XKR9: variants seen among roughly 807,000 people sequenced by gnomAD.
XKR9 encodes XK-related protein 9.
Under a neutral mutation model 32.0 loss-of-function variants are expected in XKR9, and 32 were observed. The ratio of observed to expected loss-of-function variants is 1.00; its 90% confidence interval spans 0.76 to 1.34. XKR9 has a LOEUF of 1.34. Among genes scored for constraint, XKR9 ranks in the 40% most tolerant of loss-of-function variants. The probability of loss-of-function intolerance (pLI) is 0.00; values close to 1 mark genes in which losing one functional copy is unlikely to be tolerated. For synonymous variants in XKR9, 168 were observed against 143.4 expected (o/e 1.17, Z -1.22); for missense variants, 546 against 429.7 (o/e 1.27, Z -2.39).
the XKR9 span, among the ~76,000 whole-genome samples, chr8:71,014,766 A>G: frequency 6.6e-6 from 1 of 152,266 alleles, no homozygotes; most frequent in South Asian, 2.1e-4. Context: ...AGTGTACTCA[A>G]CAAATGTCAG....
chr8:70,970,393 CAT>C, the XKR9 span, among the ~76,000 whole-genome samples: 1,000 of 152,046 alleles, frequency 6.6e-3, 11 homozygotes, highest in African/African-American at 0.023. Flanking sequence ...TAGGTATACA[CAT>C]GTCATGGTGG....
chr8:70,777,873 A>T (rs994270999), intron 2 of XKR9, among the ~76,000 whole-genome samples: 8 of 152,140 alleles, frequency 5.3e-5, no homozygotes, highest in Non-Finnish European at 8.8e-5. Flanking sequence ...AGATGGATAG[A>T]TGGCAAACAT....
chr8:70,724,102 A>G (rs1199469508), intron 4 of XKR9, among the ~76,000 whole-genome samples: 1 of 152,034 alleles, frequency 6.6e-6, no homozygotes, highest in Non-Finnish European at 1.5e-5. Context: ...AGGAATCTAG[A>G]GAGGCACTCT....
At chr8:70,982,479 GT>G in the XKR9 span, among the ~76,000 whole-genome samples, 1 of 152,096 alleles carries the variant, frequency 6.6e-6, no homozygotes, top group Non-Finnish European at 1.5e-5. Flanking sequence ...AAAGCCAGCA[GT>G]CATAAGCCTC....
At chr8:70,749,463 G>C (rs555038684) in intron 2 of XKR9, among the ~76,000 whole-genome samples, 1 of 152,024 alleles carries the variant, frequency 6.6e-6, no homozygotes, top group African/African-American at 2.4e-5. Context: ...CCTTTGTCTA[G>C]ATGTTGCTGC....
At chr8:70,677,127 A>T (rs199548428) in intron 2 of XKR9, among the ~76,000 whole-genome samples, 1 of 62,868 alleles carries the variant, frequency 1.6e-5, no homozygotes, top group African/African-American at 5.5e-5. Flanking sequence ...GTTAAAGATT[A>T]AAAAAAAATA....
At chr8:70,807,917 T>C in the XKR9 span, among the ~76,000 whole-genome samples, 1 of 152,196 alleles carries the variant, frequency 6.6e-6, no homozygotes, top group African/African-American at 2.4e-5. Context: ...GTGGATCTAA[T>C]AGACATCTAC....
chr8:70,985,528 A>C, the XKR9 span, among the ~76,000 whole-genome samples: 1 of 152,202 alleles, frequency 6.6e-6, no homozygotes, highest in African/African-American at 2.4e-5. Flanking sequence ...TATTATCATA[A>C]ACAAGGCTGA....
chr8:70,950,825 C>T, the XKR9 span, among the ~76,000 whole-genome samples: 1 of 152,082 alleles, frequency 6.6e-6, no homozygotes, highest in Non-Finnish European at 1.5e-5. Context: ...AGGCACCCAC[C>T]ACCATGCCCA....
At chr8:70,806,262 A>G in the XKR9 span, among the ~76,000 whole-genome samples, 48,532 of 150,232 alleles carry the variant, frequency 0.32, 9,121 homozygotes, top group Non-Finnish European at 0.43. Context: ...CCCATTCCAA[A>G]GGTCAGCAGC....
chr8:70,687,043 G>A (rs1437571559), intron 3 of XKR9, among the ~76,000 whole-genome samples: 5 of 152,032 alleles, frequency 3.3e-5, no homozygotes, highest in Admixed American at 2.0e-4. Flanking sequence ...GTTATCAAAT[G>A]CTAGAGCCTA....
At chr8:70,976,924 A>G in the XKR9 span, among the ~76,000 whole-genome samples, 1 of 152,256 alleles carries the variant, frequency 6.6e-6, no homozygotes, top group South Asian at 2.1e-4. Flanking sequence ...CAGGGATTCA[A>G]CTTCTTCCTG....
the XKR9 span, among the ~76,000 whole-genome samples, chr8:70,803,646 G>T: frequency 6.6e-6 from 1 of 152,134 alleles, no homozygotes; most frequent in African/African-American, 2.4e-5. Flanking sequence ...AGGTTTGATT[G>T]TGGTATAAAG....
At chr8:70,927,491 A>G in the XKR9 span, among the ~76,000 whole-genome samples, 1 of 152,286 alleles carries the variant, frequency 6.6e-6, no homozygotes, top group African/African-American at 2.4e-5. Flanking sequence ...TCCAGAGTCA[A>G]TCTGCACCAG....
At chr8:70,696,535 G>T (rs1341261620) in intron 3 of XKR9, among the ~76,000 whole-genome samples, 3 of 149,444 alleles carry the variant, frequency 2.0e-5, no homozygotes, top group African/African-American at 7.4e-5. Context: ...CTGTTCCATT[G>T]ATCTATATCT....
intron 3 of XKR9, among the ~76,000 whole-genome samples, chr8:70,698,923 C>G (rs917962166): frequency 4.6e-5 from 7 of 152,068 alleles, no homozygotes; most frequent in African/African-American, 1.7e-4. Flanking sequence ...TGAATTGATC[C>G]CTTTACCATT....
At chr8:71,027,900 G>A in the XKR9 span, among the ~76,000 whole-genome samples, 2 of 151,970 alleles carry the variant, frequency 1.3e-5, no homozygotes, top group South Asian at 4.2e-4. Flanking sequence ...GCCTTCAGTA[G>A]CTGGGACTAC....
chr8:70,990,548 A>T, the XKR9 span, among the ~76,000 whole-genome samples: 1 of 152,220 alleles, frequency 6.6e-6, no homozygotes, highest in Non-Finnish European at 1.5e-5. Flanking sequence ...GGGCTTTCAA[A>T]ATATCTGAAA....
the XKR9 span, among the ~76,000 whole-genome samples, chr8:70,984,228 T>G: frequency 6.6e-6 from 1 of 152,200 alleles, no homozygotes; most frequent in Non-Finnish European, 1.5e-5. Context: ...CTATTCTAAT[T>G]GTTCAGACCC....
Sources: allele counts gnomAD v4.1 joint callset (sites outside exome capture counted in the v4.1 genomes callset), GRCh38; gene constraint gnomAD v4.1.1; transcripts MANE v1.5; gene names NCBI Gene and HGNC (gene_info 2026-07-23, HGNC 2026-07-21).